ACO2: variants seen among roughly 807,000 people sequenced by gnomAD.
ACO2 encodes aconitate hydratase, mitochondrial.
In ACO2, 31 loss-of-function variants were observed where a neutral mutation model predicts 84.5. The observed-to-expected ratio is 0.37, with a 90% CI of 0.28 to 0.50. The LOEUF (loss-of-function observed/expected upper bound fraction) is 0.50, where lower values mean the gene tolerates loss of function less well. Among genes scored for constraint, ACO2 ranks in the 20% least tolerant of loss-of-function variants. ACO2 has a pLI of 0.97. For missense variants in ACO2, 685 were observed against 1,029.3 expected, an observed-to-expected ratio of 0.67 and a Z score of 4.58; for synonymous variants, 414 against 412.7, an observed-to-expected ratio of 1.00 and a Z score of -0.04.
chr22:41,480,593 C>T (rs58744979), intron 1 of ACO2, among the ~76,000 whole-genome samples: 3 of 152,234 alleles, frequency 2.0e-5, no homozygotes, highest in East Asian at 3.9e-4. Flanking sequence ...TTCTCCCAGG[C>T]GAACTGAGTA....
At chr22:41,504,711 CTTTTT>C (rs926246283) in intron 2 of ACO2, among the ~76,000 whole-genome samples, 6 of 48,602 alleles carry the variant, frequency 1.2e-4, no homozygotes, top group African/African-American at 1.5e-4. Flanking sequence ...ACCTTAGGGA[CTTTTT>C]TTTTTTTTTT....
intron 1 of ACO2, among the ~76,000 whole-genome samples, chr22:41,499,306 A>C (rs952535326): frequency 1.3e-5 from 2 of 152,168 alleles, no homozygotes; most frequent in Non-Finnish European, 2.9e-5. Context: ...GTGCAGGTAG[A>C]CTAATAGCTA....
intron 9 of ACO2, among the ~76,000 whole-genome samples, 183 bp from the exon 10 acceptor site, chr22:41,522,647 G>C (rs1325888846): frequency 6.9e-6 from 1 of 144,578 alleles, no homozygotes; most frequent in Non-Finnish European, 1.5e-5. Context: ...GCCACGTCAT[G>C]AGTTAGCCTG....
chr22:41,495,791 C>T (rs981657246), intron 1 of ACO2, among the ~76,000 whole-genome samples: 6 of 151,008 alleles, frequency 4.0e-5, no homozygotes, highest in African/African-American at 7.3e-5. Flanking sequence ...GTAGTAGAGA[C>T]GGGGTTTCAC....
At chr22:41,521,932 T>G (rs2066529996) in intron 9 of ACO2, among the ~76,000 whole-genome samples, 1 of 152,146 alleles carries the variant, frequency 6.6e-6, no homozygotes, top group Admixed American at 6.6e-5. Context: ...CCACCATGCC[T>G]GGCTAATTTT....
intron 14 of ACO2, chr22:41,525,876 C>T (rs1316172777): frequency 4.7e-6 from 1 of 211,056 alleles, no homozygotes; most frequent in Admixed American, 5.3e-5. Context: ...CCAGGCACCC[C>T]TGTGACAGAA....
Position 41,526,241 on chromosome 22 carries a change from CCTCT to C in ACO2, c.1762-18_1762-15del. The C allele has an allele frequency of 3.1e-6, 5 of 1,606,906 alleles. No individual in the cohort carries two copies. Among genetic ancestry groups the C allele is most frequent in the South Asian group, 1.1e-5 (1 of 90,460 alleles). On this transcript the variant is annotated splice_polypyrimidine_tract_variant and intron_variant, in intron 14 of 17. Transcript: ENST00000216254. ...TCCAGGGCCATGCCCTGACCTCTGTCCTCTCTACTTACCACCCAAGGTCAAAGGG... is the reference window on the plus strand; with the variant it reads ...TCCAGGGCCATGCCCTGACCTCTGTCCTACTTACCACCCAAGGTCAAAGGG...
At chr22:41,520,297 C>T in intron 9 of ACO2, 21 bp downstream of exon 9, 10 of 1,599,940 alleles carry the variant, frequency 6.3e-6, no homozygotes, top group Non-Finnish European at 8.6e-6. Context: ...TCCACCCCAT[C>T]TGTTTAGCAG....
At chr22:41,519,052 G>C (rs1335307821) in intron 8 of ACO2, among the ~76,000 whole-genome samples, 1 of 152,176 alleles carries the variant, frequency 6.6e-6, no homozygotes, top group Non-Finnish European at 1.5e-5. Flanking sequence ...GGAGGGGGGA[G>C]ACACAGCCAC....
At chr22:41,496,248 G>C (rs1197744456) in intron 1 of ACO2, among the ~76,000 whole-genome samples, 1 of 152,054 alleles carries the variant, frequency 6.6e-6, no homozygotes, top group Non-Finnish European at 1.5e-5. Context: ...CTGGGAGGCA[G>C]AAGTTGCCGT....
intron 1 of ACO2, among the ~76,000 whole-genome samples, chr22:41,476,337 G>A (rs2038013297): frequency 6.6e-6 from 1 of 151,778 alleles, no homozygotes; most frequent in African/African-American, 2.4e-5. Flanking sequence ...AACCTGGGAG[G>A]CGGAGGTTGT....
chr22:41,507,788 C>T lies in ACO2; in HGVS notation c.174-3C>T, dbSNP rs1394463629. ...GGCCACCCTTCTGCTCTTCTCCCCA[C>T]AGACTGAACCGGCCGCTGACACTCT... On this transcript the variant is annotated splice_polypyrimidine_tract_variant and splice_region_variant and intron_variant, in intron 2 of 17. Transcript: ENST00000216254. The T allele has an allele frequency of 6.2e-7, 1 of 1,612,600 alleles. No individual in the cohort carries two copies. The highest frequency in any genetic ancestry group is 1.7e-5 in the Admixed American group (1 of 59,940).
chr22:41,470,948 T>A (rs1345675994), intron 1 of ACO2, among the ~76,000 whole-genome samples: 1 of 152,152 alleles, frequency 6.6e-6, no homozygotes, highest in Non-Finnish European at 1.5e-5. Flanking sequence ...GATAAATGAT[T>A]ATAGAGTTCT....
In ACO2 at chr22:41,524,943, C is replaced by T. The variant is rs142926628; in HGVS notation, c.1580C>T (p.Pro527Leu). Residue 527 changes from proline to leucine, a missense_variant, in exon 13 of 18, where the codon CCG (proline) becomes CTG (leucine). Physicochemically the swap from Pro to Leu is moderately conservative, Grantham distance 98 (BLOSUM62 -3). Transcript: ENST00000216254. The stretch of plus-strand genomic sequence containing the variant: ...GGCAAGAAGTTCAGGCTGGAGGCTC[C>T]GGATGCAGATGAGCTTCCCAAAGGG... ...TDGKKFRLEAPDADELPKGEF... is the reference protein window; with the variant it reads ...TDGKKFRLEALDADELPKGEF... The T allele has an allele frequency of 1.4e-5, 22 of 1,614,062 alleles. No homozygotes were observed. Among genetic ancestry groups the T allele is most frequent in the South Asian group, 2.2e-5 (2 of 91,088 alleles).
intron 1 of ACO2, among the ~76,000 whole-genome samples, chr22:41,480,882 C>G (rs1444578934): frequency 6.6e-6 from 1 of 152,164 alleles, no homozygotes; most frequent in Non-Finnish European, 1.5e-5. Context: ...GTGGCTCGAT[C>G]TTGGCTCACA....
intron 16 of ACO2, 106 bp from the exon 17 acceptor site, chr22:41,527,795 C>G (rs536677577): frequency 6.4e-7 from 1 of 1,565,666 alleles, no homozygotes; most frequent in African/African-American, 1.4e-5. Context: ...GGCATTGTCC[C>G]AGGCAGCAGG....
intron 1 of ACO2, among the ~76,000 whole-genome samples, chr22:41,481,428 C>T (rs1265440024): frequency 6.6e-6 from 1 of 152,222 alleles, no homozygotes; most frequent in Non-Finnish European, 1.5e-5. Context: ...TGCTGGGGCT[C>T]ACTGGTACAT....
At chr22:41,499,962 T>C in intron 2 of ACO2, 100 bp downstream of exon 2, 1 of 1,472,318 alleles carries the variant, frequency 6.8e-7, no homozygotes, top group East Asian at 2.3e-5. Flanking sequence ...TGCTTGGTGA[T>C]AGTGGCAGGG....
chr22:41,512,328 G>GTC (rs2066439560), intron 4 of ACO2: 1 of 205,488 alleles, frequency 4.9e-6, no homozygotes, highest in African/African-American at 2.4e-5. Flanking sequence ...GTCACCCCTT[G>GTC]TGGCATGCAT....
Sources: allele counts gnomAD v4.1 joint callset (sites outside exome capture counted in the v4.1 genomes callset), GRCh38; gene constraint gnomAD v4.1.1; transcripts MANE v1.5; gene names NCBI Gene and HGNC (gene_info 2026-07-23, HGNC 2026-07-21).